JCAD: variants seen among roughly 807,000 people sequenced by gnomAD.
JCAD encodes the protein junctional cadherin 5-associated protein.
JCAD carries 40 observed loss-of-function variants against 98.0 expected under a neutral mutation model. The ratio of observed to expected loss-of-function variants is 0.41; its 90% confidence interval spans 0.32 to 0.53. The LOEUF is 0.53. JCAD is among the 20% of genes least tolerant of loss of function. JCAD has a pLI of 0.31. For missense variants in JCAD, 1,705 were observed against 1,738.1 expected, an observed-to-expected ratio of 0.98 and a Z score of 0.34; for synonymous variants, 691 against 682.3, an observed-to-expected ratio of 1.01 and a Z score of -0.20.
At position 30,027,859 on chromosome 10, in the gene JCAD, C is replaced by T. The variant is rs1479870651; in HGVS notation, c.2289G>A (p.Ala763=). The change falls in exon 3 of 4, where the codon GCG becomes GCA. Residue 763 remains alanine, a synonymous_variant. Coordinates refer to ENST00000375377, the MANE Select transcript of JCAD (RefSeq NM_020848.4). ...CCACGGACAAGGAAGTCCTTGAGAA[C>T]GCACTGTTGCTGGATGGGCTGAGGG... is the stretch of plus-strand genomic sequence containing the variant. ...HRSLSPSSNS[A]FSRTSLSVDQ... is the part of the protein sequence containing the mutation. 6.2e-7 allele frequency: 1 copy of T among 1,614,232 alleles called. No homozygotes were observed. The highest frequency in any genetic ancestry group is 8.5e-7 in the Non-Finnish European group (1 of 1,180,032).
chr10:30,056,092 C>T (rs540893947), intron 1 of JCAD, among the ~76,000 whole-genome samples: 11 of 152,166 alleles, frequency 7.2e-5, no homozygotes, highest in Non-Finnish European at 1.3e-4. Context: ...AGGACTCAAA[C>T]TGGATAAGAT....
At chr10:30,108,762 C>G (rs1838633626) in intron 1 of JCAD, among the ~76,000 whole-genome samples, 1 of 151,928 alleles carries the variant, frequency 6.6e-6, no homozygotes, top group Non-Finnish European at 1.5e-5. Context: ...CTAACAAATG[C>G]CTTCTTCGTA....
chr10:30,047,505 A>C, intron 2 of JCAD, 27 bp downstream of exon 2: 6 of 1,591,604 alleles, frequency 3.8e-6, no homozygotes, highest in Non-Finnish European at 5.1e-6. Context: ...AGTCAAAAGA[A>C]AACGGTGGGT....
Position 30,026,982 on chromosome 10 carries a change from C to T in JCAD, c.3166G>A (p.Gly1056Arg). The T allele has an allele frequency of 6.2e-7, 1 of 1,614,216 alleles. No individual in the cohort carries two copies. Among genetic ancestry groups the T allele is most frequent in the South Asian group, 1.1e-5 (1 of 91,076 alleles). ...AGCTCACTGGCACCCTGTTCTTGCC[C>T]AGGGGTGAGCCCCACAGACCGTAAG... ...PDLRSVGLTPGQEQGASELEG... is the reference protein window; with the variant it reads ...PDLRSVGLTPRQEQGASELEG... The change falls in exon 3 of 4, where the codon GGG (glycine) becomes AGG (arginine). Residue 1056 changes from glycine to arginine, a missense_variant. Physicochemically the swap from Gly to Arg is moderately radical, Grantham distance 125. Around this residue, in one of 3 missense-constraint regions of JCAD, gnomAD observed 1,278 missense variants for 1,243.1 expected, o/e 1.03. Transcript: ENST00000375377.
intron 2 of JCAD, among the ~76,000 whole-genome samples, chr10:30,031,750 ATTTTTTTTTT>A (rs1177691710): frequency 3.2e-5 from 2 of 63,370 alleles, no homozygotes; most frequent in African/African-American, 7.0e-5. Flanking sequence ...CCCCATCTGT[ATTTTTTTTTT>A]TTTTTTTTTT....
rs199737655 is a variant in JCAD, at chr10:30,028,669, G to A, written c.1479C>T (p.Ala493=). The change falls in exon 3 of 4, where the codon GCC becomes GCT. Residue 493 remains alanine, a synonymous_variant. Transcript: ENST00000375377. ...PSGDERGLVL[A]DSSPRWLWGQ... ...CCCACAGCCACCGGGGGCTGGAATC[G>A]GCCAAGACCAGGCCTCTCTCATCCC... is the stretch of plus-strand genomic sequence containing the variant. The A allele has an allele frequency of 1.6e-5, 25 of 1,604,634 alleles. No individual in the cohort carries two copies. In the African/African-American group the frequency reaches 1.7e-4, roughly 11 times the overall value.
rs750825802 is a variant in JCAD at position 30,029,789 on chromosome 10, C to T, written c.359G>A (p.Arg120Gln). 27 of 1,614,112 alleles carry T rather than the reference C, an allele frequency of 1.7e-5. No homozygotes were observed. The South Asian group carries it at 1.9e-4, about 11-fold the overall frequency. The change falls in exon 3 of 4, where the codon CGG becomes CAG. Residue 120 changes from arginine (R) to glutamine (Q), a missense_variant. Arg to Gln is a conservative substitution (Grantham distance 43). This residue lies in a region of JCAD where 275 missense variants were observed against 346.9 expected (regional missense o/e 0.79). Coordinates refer to ENST00000375377, the MANE Select transcript of JCAD (RefSeq NM_020848.4). Reference sequence around the variant, plus strand: ...CGGCTTCTGGCTCCTGGCTTCTTGCCGTCCTCTTCTCCGGTAGGCTTGGTC... The same window carrying T: ...CGGCTTCTGGCTCCTGGCTTCTTGCTGTCCTCTTCTCCGGTAGGCTTGGTC... ...GNDQAYRRRG[R>Q]QEARSQKPRE...
chr10:30,040,771 A>C (rs12262962), intron 2 of JCAD, among the ~76,000 whole-genome samples: 16,591 of 152,122 alleles, frequency 0.11, 2,395 homozygotes, highest in African/African-American at 0.33. Flanking sequence ...CCAGTCCACA[A>C]CCTGTCCTTT....
intron 2 of JCAD, among the ~76,000 whole-genome samples, chr10:30,045,253 C>T (rs1229686761): frequency 6.6e-6 from 1 of 152,086 alleles, no homozygotes; most frequent in Non-Finnish European, 1.5e-5. Context: ...TGCCTCCCAC[C>T]GTGAGACTCA....
chr10:30,071,896 A>G (rs922095034), intron 1 of JCAD, among the ~76,000 whole-genome samples: 5 of 152,326 alleles, frequency 3.3e-5, no homozygotes, highest in South Asian at 4.2e-4. Context: ...TGCTTTGGGA[A>G]AACAAAATAT....
chr10:30,042,583 A>G (rs1431613210), intron 2 of JCAD, among the ~76,000 whole-genome samples: 3 of 143,588 alleles, frequency 2.1e-5, no homozygotes, highest in Non-Finnish European at 4.4e-5. Flanking sequence ...GGAGCAAAAC[A>G]AGTACCCGGA....
intron 1 of JCAD, among the ~76,000 whole-genome samples, chr10:30,049,148 G>A (rs1564454332): frequency 6.6e-6 from 1 of 152,190 alleles, no homozygotes; most frequent in Non-Finnish European, 1.5e-5. Context: ...TAAGGCGTAA[G>A]ACGGATTGGT....
intron 1 of JCAD, among the ~76,000 whole-genome samples, chr10:30,103,967 T>A (rs907375652): frequency 1.3e-5 from 2 of 152,140 alleles, no homozygotes; most frequent in African/African-American, 4.8e-5. Flanking sequence ...TGGTAAGTGC[T>A]ATGGCAAAGG....
At position 30,028,743 on chromosome 10, in the gene JCAD, G is replaced by T; in HGVS notation, c.1405C>A (p.Gln469Lys). The change falls in exon 3 of 4, where the codon CAG (glutamine) becomes AAG (lysine). Residue 469 changes from glutamine to lysine, a missense_variant. By Grantham distance (53) the Gln-to-Lys change is moderately conservative. Transcript: ENST00000375377. The stretch of plus-strand genomic sequence containing the variant: ...GGATTCCAAATGGCACCATCAGGCT[G>T]CATTCCTCCATGAGCCGGCTCTTGA... Reference protein sequence around the residue: ...TAQEPAHGGMQPDGAIWNPQS... With the variant: ...TAQEPAHGGMKPDGAIWNPQS... 1 of 1,614,148 alleles carries T rather than the reference G, an allele frequency of 6.2e-7. No individual in the cohort carries two copies. The highest frequency in any genetic ancestry group is 8.5e-7 in the Non-Finnish European group (1 of 1,179,990).
intron 3 of JCAD, among the ~76,000 whole-genome samples, chr10:30,019,943 G>GA (rs1214008916): frequency 2.2e-5 from 3 of 133,968 alleles, no homozygotes; most frequent in East Asian, 2.1e-4. Flanking sequence ...AAAGAAAAAG[G>GA]AAAAAAAACA....
rs144517015 is a variant in JCAD at position 30,028,894 on chromosome 10, G to T, written c.1254C>A (p.Asp418Glu). The change falls in exon 3 of 4, where the codon GAC (aspartate) becomes GAA (glutamate). Residue 418 changes from aspartate (D) to glutamate (E), a missense_variant. Transcript: ENST00000375377. ...CAAAGGGAATGTACTGAACGAAGCCGTCATAGGCAGTGACAGGTCGGGGAT... is the reference window on the plus strand; with the variant it reads ...CAAAGGGAATGTACTGAACGAAGCCTTCATAGGCAGTGACAGGTCGGGGAT... ...PAHPRPVTAYDGFVQYIPFDD... is the reference protein window; with the variant it reads ...PAHPRPVTAYEGFVQYIPFDD... 1 of 1,614,190 alleles carries T rather than the reference G, an allele frequency of 6.2e-7. No individual in the cohort carries two copies. The highest frequency in any genetic ancestry group is 2.2e-5 in the East Asian group (1 of 44,870).
chr10:30,034,048 C>A (rs1188669411), intron 2 of JCAD, among the ~76,000 whole-genome samples: 1 of 151,810 alleles, frequency 6.6e-6, no homozygotes, highest in Non-Finnish European at 1.5e-5. Flanking sequence ...CACAGTGAAA[C>A]CCTGTCTCTA....
chr10:30,111,296 A>C (rs1385087446), intron 1 of JCAD, among the ~76,000 whole-genome samples: 7 of 152,246 alleles, frequency 4.6e-5, no homozygotes, highest in Middle Eastern at 3.4e-3. Context: ...TCTTCAAAAA[A>C]ATTTTTTTTA....
intron 1 of JCAD, among the ~76,000 whole-genome samples, chr10:30,058,493 A>G (rs950681324): frequency 6.6e-6 from 1 of 152,170 alleles, no homozygotes; most frequent in African/African-American, 2.4e-5. Context: ...GCGCTGGCCT[A>G]AAGTTCTCGT....
Sources: allele counts gnomAD v4.1 joint callset (sites outside exome capture counted in the v4.1 genomes callset), GRCh38; gene constraint gnomAD v4.1.1; regional missense constraint gnomAD v4.1.1; transcripts MANE v1.5; gene names NCBI Gene and HGNC (gene_info 2026-07-23, HGNC 2026-07-21).